Variants in MAD1L1 observed in about 807,000 individuals in gnomAD.
MAD1L1 encodes mitotic arrest deficient 1 like 1, also known as mitotic spindle assembly checkpoint protein MAD1.
MAD1L1 carries 95 observed loss-of-function variants against 96.9 expected under a neutral mutation model. The ratio of observed to expected loss-of-function variants is 0.98; its 90% CI spans 0.83 to 1.16. The LOEUF (loss-of-function observed/expected upper bound fraction) is 1.16, where lower values mean the gene tolerates loss of function less well. MAD1L1 is among the 50% of genes most tolerant of loss of function. The pLI is 0.00. For missense variants in MAD1L1, 1,007 were observed against 954.4 expected (o/e 1.06, Z -0.73); for synonymous variants, 473 against 396.6 (o/e 1.19, Z -2.29).
intron 13 of MAD1L1, among the ~76,000 whole-genome samples, chr7:2,014,137 A>G (rs1384331746): frequency 6.6e-6 from 1 of 152,124 alleles, no homozygotes; most frequent in African/African-American, 2.4e-5. Flanking sequence ...AACTCTGAGC[A>G]CCCGGAGACC....
chr7:1,846,827 T>C (rs1583539924), intron 18 of MAD1L1: 3 of 202,268 alleles, frequency 1.5e-5, no homozygotes, highest in African/African-American at 2.4e-5. Context: ...CTGATGCAAT[T>C]TGCGTGTGCA....
intron 12 of MAD1L1, among the ~76,000 whole-genome samples, chr7:2,019,374 G>A (rs549425667): frequency 2.6e-5 from 4 of 152,296 alleles, no homozygotes; most frequent in Middle Eastern, 3.4e-3. Context: ...GATGACAGGC[G>A]AAAGCGGCAG....
At chr7:2,129,358 T>C (rs1158032750) in intron 11 of MAD1L1, among the ~76,000 whole-genome samples, 2 of 152,130 alleles carry the variant, frequency 1.3e-5, no homozygotes, top group Admixed American at 1.3e-4. Context: ...GAGTAAAAGG[T>C]CTGTCTCCGC....
At chr7:2,120,536 A>G (rs1021809360) in intron 11 of MAD1L1, among the ~76,000 whole-genome samples, 11 of 152,248 alleles carry the variant, frequency 7.2e-5, no homozygotes, top group African/African-American at 2.6e-4. Context: ...GAAGCCCCAC[A>G]CCCAGGGCGC....
chr7:1,931,749 C>T (rs1423470830), intron 17 of MAD1L1, among the ~76,000 whole-genome samples: 1 of 151,074 alleles, frequency 6.6e-6, no homozygotes, highest in Non-Finnish European at 1.5e-5. Flanking sequence ...CTGTGTGAGG[C>T]TGCTCAGGGC....
intron 18 of MAD1L1, among the ~76,000 whole-genome samples, chr7:1,881,370 G>T (rs1052390383): frequency 6.6e-6 from 1 of 152,140 alleles, no homozygotes; most frequent in Admixed American, 6.5e-5. Context: ...GCAACCTCCA[G>T]CATAAATGGG....
chr7:2,128,221 A>G (rs993950209), intron 11 of MAD1L1, among the ~76,000 whole-genome samples: 1 of 152,202 alleles, frequency 6.6e-6, no homozygotes, highest in East Asian at 1.9e-4. Context: ...CTGGTCCCAG[A>G]CTAATTATTC....
At chr7:2,099,206 C>T (rs1019675413) in intron 11 of MAD1L1, among the ~76,000 whole-genome samples, 3 of 152,208 alleles carry the variant, frequency 2.0e-5, no homozygotes, top group African/African-American at 4.8e-5. Flanking sequence ...GACTCCACCC[C>T]GACCGCCAGG....
chr7:1,825,101 T>C (rs956388929), intron 18 of MAD1L1, among the ~76,000 whole-genome samples: 1 of 152,204 alleles, frequency 6.6e-6, no homozygotes, highest in African/African-American at 2.4e-5. Flanking sequence ...TGCTGCATAT[T>C]TGTAATTAGG....
At chr7:2,202,154 A>G (rs1452649246) in intron 10 of MAD1L1, 1 of 152,452 alleles carries the variant, frequency 6.6e-6, no homozygotes, top group African/African-American at 2.4e-5. Context: ...GGCTCAGCAC[A>G]CGCCTACTGC....
At position 2,060,066 on chromosome 7, in the gene MAD1L1, TCAAGATACGCTGATGC is replaced by T. The variant is rs1344661908; in HGVS notation, c.1218+9112_1218+9127del. ...GCCGAGATACACCGATGCCGAGGTA[TCAAGATACGCTGATGC>T]CAAGATACGCTGATGCCGAGATACG... On this transcript the variant is annotated intron_variant, in intron 12 of 18. Transcript: ENST00000265854. Among the ~76,000 whole-genome samples the T allele has an allele frequency of 3.6e-4, 51 of 140,420 alleles. 1 individual carries two copies. The highest frequency in any genetic ancestry group is 2.8e-3 in the South Asian group (12 of 4,238). The allele number at this position is 140,420 out of a possible 152,430, so 92.1% of individuals were successfully genotyped here.
intron 16 of MAD1L1, among the ~76,000 whole-genome samples, chr7:1,942,038 C>T (rs4273749): frequency 0.86 from 130,148 of 152,194 alleles, 57,135 homozygotes; most frequent in Non-Finnish European, 0.96. Flanking sequence ...CACCGTGATT[C>T]TGGGCCAGGC....
intron 16 of MAD1L1, among the ~76,000 whole-genome samples, chr7:1,950,874 C>T (rs1300365786): frequency 3.9e-5 from 6 of 152,268 alleles, no homozygotes; most frequent in Non-Finnish European, 7.3e-5. Flanking sequence ...CACAGCACAT[C>T]GCCTGCCCCA....
At chr7:1,982,798 A>G (rs566334173) in intron 14 of MAD1L1, among the ~76,000 whole-genome samples, 1 of 152,326 alleles carries the variant, frequency 6.6e-6, no homozygotes, top group Non-Finnish European at 1.5e-5. Context: ...ACTGGAGCTG[A>G]AGCCAATACT....
At chr7:2,002,551 G>T (rs542819720) in intron 13 of MAD1L1, among the ~76,000 whole-genome samples, 2 of 152,238 alleles carry the variant, frequency 1.3e-5, no homozygotes, top group East Asian at 3.9e-4. Flanking sequence ...ACAGAATCAG[G>T]TGACCTTCCA....
At chr7:1,906,607 C>T (rs373627683) in intron 17 of MAD1L1, among the ~76,000 whole-genome samples, 6 of 152,252 alleles carry the variant, frequency 3.9e-5, no homozygotes, top group Admixed American at 2.0e-4. Flanking sequence ...CTGGGCCTCA[C>T]GCTCTTTCCC....
intron 11 of MAD1L1, among the ~76,000 whole-genome samples, chr7:2,072,140 G>A (rs1359185783): frequency 2.0e-5 from 3 of 152,234 alleles, no homozygotes; most frequent in Non-Finnish European, 4.4e-5. Context: ...AGCACCAGAA[G>A]GTGGGGACTG....
intron 12 of MAD1L1, among the ~76,000 whole-genome samples, chr7:2,038,712 C>T (rs1383642715): frequency 3.5e-5 from 5 of 144,484 alleles, no homozygotes; most frequent in South Asian, 2.4e-4. Context: ...CAGGGTTTCA[C>T]CATGCTGGCC....
intron 18 of MAD1L1, among the ~76,000 whole-genome samples, chr7:1,842,318 G>A (rs1045219433): frequency 3.9e-5 from 6 of 152,098 alleles, no homozygotes; most frequent in African/African-American, 7.3e-5. Flanking sequence ...CGCAGCCCCC[G>A]TGGCCCTGTG....
Sources: gnomAD v4.1 joint callset for allele counts (sites outside exome capture counted in the v4.1 genomes callset) on GRCh38, gnomAD v4.1.1 for gene constraint, MANE v1.5 for transcripts, NCBI Gene and HGNC (gene_info 2026-07-23, HGNC 2026-07-21) for gene names.